Variants in BMP6 observed in about 807,000 individuals in gnomAD.
BMP6 encodes the protein bone morphogenetic protein 6.
A neutral mutation model predicts 54.1 loss-of-function variants in BMP6; 17 were observed. That is an observed-to-expected ratio of 0.31 (90% CI 0.22 to 0.47). The LOEUF is 0.47. BMP6 is among the 20% of genes least tolerant of loss of function. BMP6 has a pLI of 1.00. For missense variants in BMP6, 720 were observed against 690.4 expected, an observed-to-expected ratio of 1.04 and a Z score of -0.48; for synonymous variants, 328 against 291.2, an observed-to-expected ratio of 1.13 and a Z score of -1.28.
intron 1 of BMP6, among the ~76,000 whole-genome samples, chr6:7,775,694 C>T (rs1459016166): frequency 6.6e-6 from 1 of 152,208 alleles, no homozygotes; most frequent in Non-Finnish European, 1.5e-5. Flanking sequence ...GTTACCCTAT[C>T]CCTTGCTTGC....
In BMP6 at chr6:7,809,135, T is replaced by C. The variant is rs569113563; in HGVS notation, c.665-36005T>C. Among the ~76,000 whole-genome samples, 678 of 144,918 alleles carry C rather than the reference T, an allele frequency of 4.7e-3. 5 individuals carry two copies. Among genetic ancestry groups the C allele is most frequent in the African/African-American group, 0.017 (649 of 38,764 alleles). ...CCCCCCCCAAAAAAAAAACGCTTTT[T>C]AAACATGTTGACTAAAAAATGTAAA... On this transcript the variant is annotated intron_variant, in intron 1 of 6. Coordinates refer to ENST00000283147, the MANE Select transcript of BMP6 (RefSeq NM_001718.6).
chr6:7,875,855 T>C (rs190266304), intron 4 of BMP6, among the ~76,000 whole-genome samples: 77 of 152,276 alleles, frequency 5.1e-4, no homozygotes, highest in African/African-American at 1.7e-3. Context: ...AAGGCTCAGA[T>C]CTAGTCATGG....
intron 1 of BMP6, among the ~76,000 whole-genome samples, chr6:7,792,356 C>A (rs1435552069): frequency 6.6e-6 from 1 of 152,120 alleles, no homozygotes. Flanking sequence ...GGGACCGTAC[C>A]CTTGCTCAGT....
chr6:7,835,409 A>G (rs1758857733), intron 1 of BMP6, among the ~76,000 whole-genome samples: 1 of 152,116 alleles, frequency 6.6e-6, no homozygotes, highest in Admixed American at 6.5e-5. Context: ...AGGAATGCTG[A>G]GTCTGAAGGA....
chr6:7,870,642 C>A (rs571480179), intron 4 of BMP6, among the ~76,000 whole-genome samples: 2,941 of 150,292 alleles, frequency 0.02, 41 homozygotes, highest in South Asian at 0.031. Flanking sequence ...ACAACAACAA[C>A]AAAAAAAAAC....
intron 4 of BMP6, among the ~76,000 whole-genome samples, chr6:7,875,041 G>GT (rs529359397): frequency 2.0e-4 from 31 of 152,100 alleles, no homozygotes; most frequent in Non-Finnish European, 3.5e-4. Flanking sequence ...AAAGCTGGTG[G>GT]TGTAATTCAG....
chr6:7,848,574 A>C (rs781532657), intron 2 of BMP6, among the ~76,000 whole-genome samples: 24 of 152,218 alleles, frequency 1.6e-4, no homozygotes, highest in Non-Finnish European at 3.1e-4. Context: ...TCGGGGAGGC[A>C]TATTTGAGAA....
At chr6:7,770,361 A>G (rs1331091858) in intron 1 of BMP6, among the ~76,000 whole-genome samples, 1 of 142,666 alleles carries the variant, frequency 7.0e-6, no homozygotes, top group African/African-American at 2.5e-5. Flanking sequence ...TAATAGTGAA[A>G]GAAAAATCCC....
intron 1 of BMP6, among the ~76,000 whole-genome samples, chr6:7,747,672 G>A (rs1224525497): frequency 1.3e-5 from 2 of 152,148 alleles, no homozygotes; most frequent in African/African-American, 4.8e-5. Context: ...TTTCAGACAA[G>A]GTCTTGCTCT....
intron 4 of BMP6, among the ~76,000 whole-genome samples, chr6:7,866,816 G>C (rs1045245489): frequency 6.6e-6 from 1 of 152,204 alleles, no homozygotes; most frequent in Non-Finnish European, 1.5e-5. Flanking sequence ...TTGAGACACT[G>C]TCTGTCCTTT....
chr6:7,852,371 A>G (rs1759157128), intron 2 of BMP6, among the ~76,000 whole-genome samples: 1 of 152,190 alleles, frequency 6.6e-6, no homozygotes, highest in South Asian at 2.1e-4. Context: ...CTAGGAGTTC[A>G]GGACTGGCCT....
intron 1 of BMP6, among the ~76,000 whole-genome samples, chr6:7,751,320 G>A (rs952786566): frequency 6.6e-6 from 1 of 152,204 alleles, no homozygotes; most frequent in African/African-American, 2.4e-5. Flanking sequence ...AAATGTAGTA[G>A]ACATGTCAAA....
At chr6:7,770,939 C>T (rs533899770) in intron 1 of BMP6, among the ~76,000 whole-genome samples, 1 of 152,298 alleles carries the variant, frequency 6.6e-6, no homozygotes, top group African/African-American at 2.4e-5. Flanking sequence ...AAACATTCTG[C>T]CAGCATTGAG....
intron 1 of BMP6, among the ~76,000 whole-genome samples, chr6:7,782,321 CAG>C (rs1318073116): frequency 6.6e-6 from 1 of 152,054 alleles, no homozygotes; most frequent in Admixed American, 6.5e-5. Flanking sequence ...TTTGAGACAT[CAG>C]AGGGGGATTG....
intron 4 of BMP6, among the ~76,000 whole-genome samples, chr6:7,862,943 C>A (rs1272224095): frequency 6.6e-6 from 1 of 152,010 alleles, no homozygotes; most frequent in African/African-American, 2.4e-5. Flanking sequence ...TCAACTCAGC[C>A]CTCTAGGATG....
chr6:7,797,861 A>G (rs1758214085), intron 1 of BMP6, among the ~76,000 whole-genome samples: 1 of 152,232 alleles, frequency 6.6e-6, no homozygotes, highest in Admixed American at 6.5e-5. Flanking sequence ...TTTTTCTTTT[A>G]CTAAACAATC....
intron 1 of BMP6, among the ~76,000 whole-genome samples, chr6:7,748,453 G>A (rs184614367): frequency 6.6e-6 from 1 of 152,328 alleles, no homozygotes; most frequent in Admixed American, 6.5e-5. Context: ...AACTGGAACA[G>A]TTTAGGCAGT....
At chr6:7,852,400 C>T (rs1473849036) in intron 2 of BMP6, among the ~76,000 whole-genome samples, 1 of 152,114 alleles carries the variant, frequency 6.6e-6, no homozygotes, top group Non-Finnish European at 1.5e-5. Flanking sequence ...TAAAGAGACC[C>T]TGTCTCTACA....
At position 7,769,670 on chromosome 6, in the gene BMP6, CAATTT is replaced by C. The variant is rs1252583758; in HGVS notation, c.664+42053_664+42057del. On this transcript the variant is annotated intron_variant, in intron 1 of 6. Coordinates refer to ENST00000283147, the MANE Select transcript of BMP6 (RefSeq NM_001718.6). ...GTTTTGGAATTTCAGGGGGAAGAAA[CAATTT>C]AGAAAAACAATTCTTGTTACAATGT... Among the ~76,000 whole-genome samples, 12 of 152,110 alleles carry C rather than the reference CAATTT, an allele frequency of 7.9e-5. No homozygotes were observed. The South Asian group carries it at 1.2e-3, about 16-fold the overall frequency.
Sources: allele counts gnomAD v4.1 joint callset (sites outside exome capture counted in the v4.1 genomes callset), GRCh38; gene constraint gnomAD v4.1.1; transcripts MANE v1.5; gene names NCBI Gene and HGNC (gene_info 2026-07-23, HGNC 2026-07-21).